The following DCC variants were observed in gnomAD, a reference collection of about 807,000 sequenced individuals.
DCC encodes netrin receptor DCC.
In DCC, 58 loss-of-function variants were observed where a neutral mutation model predicts 172.5. The observed-to-expected ratio is 0.34, with a 90% CI of 0.27 to 0.42. The LOEUF (loss-of-function observed/expected upper bound fraction) is 0.42. DCC is among the 10% of genes least tolerant of loss of function. The pLI is 1.00. For missense variants in DCC, 1,740 were observed against 1,791.0 expected (o/e 0.97, Z 0.51); for synonymous variants, 709 against 644.5 (o/e 1.10, Z -1.52).
chr18:52,731,551 A>G (rs1390590197), intron 1 of DCC, among the ~76,000 whole-genome samples: 1 of 152,216 alleles, frequency 6.6e-6, no homozygotes, highest in Non-Finnish European at 1.5e-5. Context: ...TTTTCTCTTT[A>G]CATATACAAG....
chr18:52,399,545 C>G (rs1986358445), intron 1 of DCC, among the ~76,000 whole-genome samples: 1 of 151,888 alleles, frequency 6.6e-6, no homozygotes, highest in Non-Finnish European at 1.5e-5. Context: ...TGCTGATCTA[C>G]TTATAAGTCC....
intron 22 of DCC, among the ~76,000 whole-genome samples, chr18:53,442,267 C>A (rs1251345971): frequency 6.6e-6 from 1 of 152,162 alleles, no homozygotes. Context: ...AGACTATTGG[C>A]AACATTTTTC....
chr18:53,013,000 T>C (rs528682239), intron 5 of DCC, among the ~76,000 whole-genome samples: 117 of 152,208 alleles, frequency 7.7e-4, no homozygotes, highest in Non-Finnish European at 1.3e-3. Context: ...ATTAGAGAAA[T>C]GCAAATCAAA....
chr18:52,593,228 A>T (rs1000940281), intron 1 of DCC, among the ~76,000 whole-genome samples: 14 of 152,194 alleles, frequency 9.2e-5, no homozygotes, highest in African/African-American at 3.1e-4. Flanking sequence ...TCCAACTTAC[A>T]GGGTTTTTCA....
At chr18:53,511,439 G>C (rs2046250583) in intron 27 of DCC, among the ~76,000 whole-genome samples, 1 of 152,204 alleles carries the variant, frequency 6.6e-6, no homozygotes, top group South Asian at 2.1e-4. Flanking sequence ...TGAAGTTTAA[G>C]GATAGAGGGT....
intron 8 of DCC, among the ~76,000 whole-genome samples, chr18:53,178,323 A>T (rs2055140106): frequency 6.6e-6 from 1 of 152,234 alleles, no homozygotes; most frequent in South Asian, 2.1e-4. Flanking sequence ...TTTTTAGTTT[A>T]TAAATGTATT....
At chr18:52,829,643 A>G (rs565962243) in intron 2 of DCC, among the ~76,000 whole-genome samples, 76 of 151,850 alleles carry the variant, frequency 5.0e-4, no homozygotes, top group African/African-American at 1.8e-3. Flanking sequence ...GTTGAAAATG[A>G]TACTTTAAAA....
chr18:52,621,425 G>T (rs1423962735), intron 1 of DCC, among the ~76,000 whole-genome samples: 2 of 152,166 alleles, frequency 1.3e-5, no homozygotes, highest in Non-Finnish European at 2.9e-5. Flanking sequence ...GGGCTCATTA[G>T]ATGAAGATTA....
At chr18:52,788,418 A>G (rs554342409) in intron 2 of DCC, among the ~76,000 whole-genome samples, 2 of 152,260 alleles carry the variant, frequency 1.3e-5, no homozygotes, top group East Asian at 3.9e-4. Flanking sequence ...GGCCTTACCT[A>G]TCTGTAAAGC....
At chr18:53,422,793 T>C (rs1254987477) in intron 21 of DCC, among the ~76,000 whole-genome samples, 1 of 152,198 alleles carries the variant, frequency 6.6e-6, no homozygotes, top group African/African-American at 2.4e-5. Context: ...TGGAAACCTT[T>C]AGTGCCTTCT....
intron 12 of DCC, among the ~76,000 whole-genome samples, chr18:53,284,445 T>C (rs925061602): frequency 2.0e-5 from 3 of 152,048 alleles, no homozygotes; most frequent in African/African-American, 7.2e-5. Context: ...GTTTTAAAAA[T>C]GGGGGTTTCC....
At position 53,128,870 on chromosome 18, in the gene DCC, C is replaced by CATATAT. The variant is rs367907467; in HGVS notation, c.1262-28457_1262-28452dup. Among the ~76,000 whole-genome samples the CATATAT allele has an allele frequency of 4.4e-3, 343 of 77,390 alleles. 3 individuals are homozygous for CATATAT. The highest frequency in any genetic ancestry group is 0.016 in the East Asian group (40 of 2,502). The allele number at this position is 77,390 out of a possible 152,430, so 50.8% of individuals were successfully genotyped here. A position where few individuals can be genotyped will look rare whatever the true frequency, so the allele number is the denominator to read the frequency against. On this transcript the variant is annotated intron_variant, in intron 7 of 28. Transcript: ENST00000442544. Reference sequence around the variant, plus strand: ...ACACACACACACACACACACACACACATATATATATATATATATATATATA... The same window carrying CATATAT: ...ACACACACACACACACACACACACACATATATATATATATATATATATATATATATA...
chr18:53,486,763 G>C lies in DCC; in HGVS notation c.3737-34G>C, dbSNP rs560359989. 5.0e-5 allele frequency: 81 copies of C among 1,613,984 alleles called. 1 individual carries two copies. The South Asian group carries it at 8.7e-4, about 17-fold the overall frequency. On this transcript the variant is annotated intron_variant, in intron 25 of 28. Transcript: ENST00000442544. ...TTTGCTTGTTGAGTGAATACATAAG[G>C]TTCAAAAAACCCATTAACCTTTTTC...
intron 1 of DCC, among the ~76,000 whole-genome samples, chr18:52,676,909 T>G (rs1332255013): frequency 6.6e-6 from 1 of 152,198 alleles, no homozygotes; most frequent in Non-Finnish European, 1.5e-5. Flanking sequence ...GGGTTATAAA[T>G]TTTATCTTTT....
At chr18:52,516,485 T>C (rs1332147038) in intron 1 of DCC, among the ~76,000 whole-genome samples, 2 of 152,234 alleles carry the variant, frequency 1.3e-5, no homozygotes. Context: ...TGCTAAATGT[T>C]ACCATTAGGA....
At chr18:52,415,717 T>C (rs1413871434) in intron 1 of DCC, among the ~76,000 whole-genome samples, 1 of 152,142 alleles carries the variant, frequency 6.6e-6, no homozygotes, top group African/African-American at 2.4e-5. Context: ...TTTTGAAACG[T>C]GAAGCCTGTT....
intron 1 of DCC, among the ~76,000 whole-genome samples, chr18:52,545,054 A>T (rs970834849): frequency 2.6e-5 from 4 of 152,250 alleles, no homozygotes; most frequent in Non-Finnish European, 5.9e-5. Flanking sequence ...GAAAAAATAT[A>T]GCTCTAAGAA....
chr18:53,216,260 C>T (rs1275345527), intron 12 of DCC, among the ~76,000 whole-genome samples: 1 of 152,086 alleles, frequency 6.6e-6, no homozygotes, highest in Non-Finnish European at 1.5e-5. Context: ...CCAAGGCCAC[C>T]TAGTAGAGTA....
chr18:52,775,051 A>G (rs1437943024), intron 2 of DCC, among the ~76,000 whole-genome samples: 1 of 152,192 alleles, frequency 6.6e-6, no homozygotes, highest in African/African-American at 2.4e-5. Context: ...GCCTCTTACC[A>G]GCAGGAAAAG....
Sources: allele counts gnomAD v4.1 joint callset (sites outside exome capture counted in the v4.1 genomes callset), GRCh38; gene constraint gnomAD v4.1.1; transcripts MANE v1.5; gene names NCBI Gene and HGNC (gene_info 2026-07-23, HGNC 2026-07-21).